PHKB: variants seen among roughly 807,000 people sequenced by gnomAD.
PHKB encodes phosphorylase kinase regulatory subunit beta, also known as phosphorylase b kinase regulatory subunit beta.
PHKB carries 122 observed loss-of-function variants against 152.1 expected under a neutral mutation model. The ratio of observed to expected loss-of-function variants is 0.80; its 90% CI spans 0.69 to 0.93. PHKB has a LOEUF of 0.93. PHKB is among the 40% of genes least tolerant of loss of function. The probability of loss-of-function intolerance (pLI) is 0.00; values close to 1 mark genes in which losing one functional copy is unlikely to be tolerated. For missense variants in PHKB, 1,304 were observed against 1,328.4 expected, an observed-to-expected ratio of 0.98 and a Z score of 0.29; for synonymous variants, 436 against 464.9, an observed-to-expected ratio of 0.94 and a Z score of 0.80.
chr16:47,557,975 G>T (rs891530990), intron 7 of PHKB, among the ~76,000 whole-genome samples: 2 of 151,766 alleles, frequency 1.3e-5, no homozygotes, highest in African/African-American at 4.8e-5. Context: ...CAAAGACTTG[G>T]AACCAACCCA....
chr16:47,689,004 A>G (rs745679233), intron 26 of PHKB, 37 bp from the exon 27 acceptor site: 43 of 1,611,306 alleles, frequency 2.7e-5, no homozygotes, highest in Non-Finnish European at 3.4e-5. Flanking sequence ...TTTTATTTCA[A>G]GAGTTATTGA....
intron 7 of PHKB, among the ~76,000 whole-genome samples, chr16:47,557,045 A>G (rs540285778): frequency 6.6e-6 from 1 of 152,252 alleles, no homozygotes; most frequent in East Asian, 1.9e-4. Context: ...ATATAGATCA[A>G]TGGAACAGAA....
intron 13 of PHKB, among the ~76,000 whole-genome samples, chr16:47,604,770 CCTT>C (rs1311362037): frequency 6.6e-6 from 1 of 151,882 alleles, no homozygotes; most frequent in South Asian, 2.1e-4. Flanking sequence ...ATTTTATAAA[CCTT>C]CTGTGAAAAA....
intron 8 of PHKB, 146 bp downstream of exon 8, chr16:47,580,504 T>C: frequency 1.7e-6 from 1 of 578,580 alleles, no homozygotes; most frequent in African/African-American, 1.9e-5. Context: ...CCTTTGAAAA[T>C]GATTTGCCAG....
At chr16:47,505,465 C>T (rs1373458862) in intron 4 of PHKB, 7 of 152,278 alleles carry the variant, frequency 4.6e-5, no homozygotes, top group Admixed American at 6.5e-5. Flanking sequence ...CGCCCTATCT[C>T]GTCTGATCCC....
chr16:47,602,302 G>T (rs73551224), intron 13 of PHKB, among the ~76,000 whole-genome samples: 10,451 of 152,128 alleles, frequency 0.069, 592 homozygotes, highest in African/African-American at 0.15. Flanking sequence ...GTGATAAAAT[G>T]GATATAGAAG....
chr16:47,482,508 T>G (rs1969979937), intron 1 of PHKB, among the ~76,000 whole-genome samples: 1 of 152,226 alleles, frequency 6.6e-6, no homozygotes, highest in Admixed American at 6.5e-5. Flanking sequence ...AGTAGTAACA[T>G]TCACATTAAA....
chr16:47,672,631 C>T (rs1276551762), intron 26 of PHKB, among the ~76,000 whole-genome samples: 1 of 152,116 alleles, frequency 6.6e-6, no homozygotes, highest in Non-Finnish European at 1.5e-5. Flanking sequence ...AGATTTTACA[C>T]TGCTGTGTTT....
chr16:47,655,858 A>G (rs1354027845), intron 20 of PHKB, among the ~76,000 whole-genome samples: 2 of 152,312 alleles, frequency 1.3e-5, no homozygotes, highest in South Asian at 4.1e-4. Context: ...CTAGTTCACT[A>G]CTTTTTATAC....
intron 23 of PHKB, among the ~76,000 whole-genome samples, chr16:47,662,945 G>A (rs1323834092): frequency 1.3e-5 from 2 of 151,996 alleles, no homozygotes; most frequent in African/African-American, 2.4e-5. Context: ...CTAAGGGAAT[G>A]ATGTTGTAAA....
chr16:47,591,787 C>T (rs564887345), intron 10 of PHKB, among the ~76,000 whole-genome samples: 257 of 152,298 alleles, frequency 1.7e-3, no homozygotes, highest in Non-Finnish European at 3.1e-3. Flanking sequence ...TCAGCTTCCA[C>T]TCCTGTGCCC....
intron 26 of PHKB, among the ~76,000 whole-genome samples, chr16:47,677,240 T>C (rs2142087569): frequency 6.6e-6 from 1 of 152,312 alleles, no homozygotes; most frequent in African/African-American, 2.4e-5. Flanking sequence ...GGATCAGTGA[T>C]AGAGGGAATC....
At chr16:47,655,232 T>C (rs1195703454) in intron 20 of PHKB, among the ~76,000 whole-genome samples, 2 of 152,228 alleles carry the variant, frequency 1.3e-5, no homozygotes, top group Non-Finnish European at 2.9e-5. Context: ...GATTATTTAA[T>C]ATATACTTTG....
Position 47,565,982 on chromosome 16 carries a change from T to A in PHKB, c.711-14313T>A. 6 of 784,630 alleles carry A rather than the reference T, an allele frequency of 7.6e-6. No homozygotes were observed. The South Asian group carries it at 1.0e-4, about 13-fold the overall frequency. The allele number at this position is 784,630 out of a possible 1,614,324, so 48.6% of individuals were successfully genotyped here. On this transcript the variant is annotated intron_variant, in intron 7 of 30. Coordinates refer to ENST00000323584, the MANE Select transcript of PHKB (RefSeq NM_000293.3). The stretch of plus-strand genomic sequence containing the variant: ...AAGAGTAATCATCTCTGGAGCTCTA[T>A]GACCGATCATCCCGTCTGTTGGATC...
chr16:47,486,228 A>G (rs1445840761), intron 1 of PHKB, among the ~76,000 whole-genome samples: 2 of 152,242 alleles, frequency 1.3e-5, no homozygotes, highest in Non-Finnish European at 2.9e-5. Flanking sequence ...TGGGAATTAA[A>G]GAAGGCCTCC....
intron 26 of PHKB, chr16:47,676,118 C>T (rs757863404): frequency 1.3e-5 from 2 of 152,110 alleles, no homozygotes; most frequent in Admixed American, 1.3e-4. Flanking sequence ...GAATTAGTCC[C>T]TGGAAGGTTT....
At chr16:47,528,510 G>T (rs1970803896) in intron 6 of PHKB, among the ~76,000 whole-genome samples, 1 of 151,844 alleles carries the variant, frequency 6.6e-6, no homozygotes. Flanking sequence ...TATAAAAGTT[G>T]ATGATGTTAG....
Position 47,663,746 on chromosome 16 carries a change from T to G in PHKB, c.2336+12T>G, listed in dbSNP as rs1973485927. ...AGCCAAAAACTTTGGTTTGTATTAGTGTCCTTGTTGTTATGTTTTATTTTT... is the reference window on the plus strand; with the variant it reads ...AGCCAAAAACTTTGGTTTGTATTAGGGTCCTTGTTGTTATGTTTTATTTTT... On this transcript the variant is annotated intron_variant, in intron 24 of 30. Transcript: ENST00000323584. 6.9e-7 allele frequency: 1 copy of G among 1,445,828 alleles called. No homozygotes were observed. Among genetic ancestry groups the G allele is most frequent in the African/African-American group, 1.4e-5 (1 of 71,482 alleles). The allele number at this position is 1,445,828 out of a possible 1,614,324, so 89.6% of individuals were successfully genotyped here. A position where few individuals can be genotyped will look rare whatever the true frequency, so the allele number is the denominator to read the frequency against.
In PHKB at chr16:47,700,188, A is replaced by G. The variant is rs545191872; in HGVS notation, c.*822A>G. The stretch of plus-strand genomic sequence containing the variant: ...ACATGGTGAAAACCCTGTCTCTACT[A>G]AAAATACAAAAATTAGCCAGGCATG... On this transcript the variant is annotated 3_prime_UTR_variant, in exon 31 of 31. Transcript: ENST00000323584. The G allele has an allele frequency of 1.3e-5, 2 of 152,074 alleles. No homozygotes were observed. The highest frequency in any genetic ancestry group is 4.8e-5 in the African/African-American group (2 of 41,478). The allele number at this position is 152,074 out of a possible 1,614,324, so 9.4% of individuals were successfully genotyped here. A position where few individuals can be genotyped will look rare whatever the true frequency, so the allele number is the denominator to read the frequency against.
Sources: allele counts gnomAD v4.1 joint callset (sites outside exome capture counted in the v4.1 genomes callset), GRCh38; gene constraint gnomAD v4.1.1; transcripts MANE v1.5; gene names NCBI Gene and HGNC (gene_info 2026-07-23, HGNC 2026-07-21).